Variants in ADGRA1 observed in about 807,000 individuals in gnomAD.
The protein encoded by ADGRA1 is adhesion G protein-coupled receptor A1.
In ADGRA1, 12 loss-of-function variants were observed where a neutral mutation model predicts 21.3. The ratio of observed to expected loss-of-function variants is 0.56; its 90% confidence interval spans 0.36 to 0.91. The LOEUF (loss-of-function observed/expected upper bound fraction) is 0.91, where lower values mean the gene tolerates loss of function less well. ADGRA1 is among the 40% of genes least tolerant of loss of function. The pLI, the probability that ADGRA1 is intolerant of heterozygous loss-of-function variation, is 0.01. For missense variants in ADGRA1, 790 were observed against 805.6 expected (o/e 0.98, Z 0.23); for synonymous variants, 385 against 368.8 (o/e 1.04, Z -0.50).
In ADGRA1 at chr10:133,128,532, C is replaced by T; in HGVS notation, c.704C>T (p.Pro235Leu). Residue 235 changes from proline (P) to leucine (L), a missense_variant, in exon 7 of 7, where the codon CCA becomes CTA. Pro to Leu is a moderately conservative substitution (Grantham distance 98). Transcript: ENST00000392607. ...EGGRGIRPGTPPAHDAPGASV... is the reference protein window; with the variant it reads ...EGGRGIRPGTLPAHDAPGASV... Reference sequence around the variant, plus strand: ...GGCCGTGGGATCCGGCCAGGCACCCCACCCGCACACGATGCCCCCGGCGCC... The same window carrying T: ...GGCCGTGGGATCCGGCCAGGCACCCTACCCGCACACGATGCCCCCGGCGCC... The T allele has an allele frequency of 6.5e-7, 1 of 1,548,718 alleles. No homozygotes were observed. Among genetic ancestry groups the T allele is most frequent in the Non-Finnish European group, 8.7e-7 (1 of 1,148,108 alleles).
intron 5 of ADGRA1, among the ~76,000 whole-genome samples, chr10:133,120,701 C>G (rs1852238126): frequency 6.6e-6 from 1 of 152,232 alleles, no homozygotes; most frequent in African/African-American, 2.4e-5. Context: ...ATCTTCCATC[C>G]AGACCATTAA....
At chr10:133,094,559 C>G (rs1362514954) in intron 2 of ADGRA1, among the ~76,000 whole-genome samples, 1 of 152,152 alleles carries the variant, frequency 6.6e-6, no homozygotes, top group African/African-American at 2.4e-5. Flanking sequence ...GGGCAGACCA[C>G]CCCAGGCTCT....
chr10:133,121,501 G>C (rs190522126), intron 5 of ADGRA1, among the ~76,000 whole-genome samples: 2 of 150,310 alleles, frequency 1.3e-5, no homozygotes, highest in East Asian at 2.0e-4. Flanking sequence ...GCCAGTGTGC[G>C]TGTGTGCAAG....
chr10:133,112,737 A>AGGTCTGTGGGCCGTGTCGGTTATTTGG (rs1852075298), intron 5 of ADGRA1, among the ~76,000 whole-genome samples: 1 of 81,204 alleles, frequency 1.2e-5, no homozygotes, highest in African/African-American at 4.8e-5. Context: ...CGGTTATTTG[A>AGGTCTGTGGGCCGTGTCGGTTATTTGG]GGTCTGCGGG....
chr10:133,110,630 G>A (rs1354295499), intron 5 of ADGRA1, among the ~76,000 whole-genome samples: 1 of 152,154 alleles, frequency 6.6e-6, no homozygotes, highest in African/African-American at 2.4e-5. Flanking sequence ...GAGAGAGTCG[G>A]TAAGAAATAT....
At chr10:133,101,919 A>C (rs1851802763) in intron 4 of ADGRA1, among the ~76,000 whole-genome samples, 2 of 152,224 alleles carry the variant, frequency 1.3e-5, no homozygotes, top group Non-Finnish European at 2.9e-5. Flanking sequence ...GAGCCTCCTC[A>C]TCAGTGAAAA....
intron 4 of ADGRA1, among the ~76,000 whole-genome samples, chr10:133,100,788 A>G (rs1013634962): frequency 2.5e-4 from 38 of 152,230 alleles, no homozygotes; most frequent in African/African-American, 5.8e-4. Context: ...ACAAACCCAC[A>G]TGGTCTCACT....
chr10:133,120,809 C>T (rs371497220), intron 5 of ADGRA1, among the ~76,000 whole-genome samples: 4 of 152,238 alleles, frequency 2.6e-5, no homozygotes, highest in East Asian at 3.8e-4. Flanking sequence ...TTATCCTTTG[C>T]ATTCACAACG....
chr10:133,096,855 C>A (rs1851697974), intron 2 of ADGRA1, 119 bp from the exon 3 acceptor site: 3 of 1,273,766 alleles, frequency 2.4e-6, no homozygotes, highest in East Asian at 4.8e-5. Flanking sequence ...TGAGACCCCA[C>A]ACGAAAATGC....
In ADGRA1 at chr10:133,088,623, G is replaced by A. The variant is rs1361512767; in HGVS notation, c.-202-85G>A. 9 of 888,332 alleles carry A rather than the reference G, an allele frequency of 1.0e-5. No homozygotes were observed. In the South Asian group the frequency reaches 2.3e-4, roughly 23 times the overall value. 55.0% of individuals were successfully genotyped at this position (888,332 alleles called of 1,614,324 possible). Reference sequence around the variant, plus strand: ...GAGGGGAGGGAGCGACAGGGGCCGCGGCTGCTCCCTGGCGGGGTCGGGGCT... The same window carrying A: ...GAGGGGAGGGAGCGACAGGGGCCGCAGCTGCTCCCTGGCGGGGTCGGGGCT... On this transcript the variant is annotated intron_variant, in intron 1 of 6. Coordinates refer to ENST00000392607, the MANE Select transcript of ADGRA1 (RefSeq NM_001083909.3).
At chr10:133,115,121 G>A (rs1398846119) in intron 5 of ADGRA1, among the ~76,000 whole-genome samples, 1 of 152,184 alleles carries the variant, frequency 6.6e-6, no homozygotes, top group African/African-American at 2.4e-5. Context: ...GAAGGGCCCA[G>A]TGGTCAGATT....
At chr10:133,088,244 C>T (rs1278474049) in intron 1 of ADGRA1, 106 bp downstream of exon 1, 4 of 419,022 alleles carry the variant, frequency 9.5e-6, no homozygotes, top group Non-Finnish European at 9.6e-6. Flanking sequence ...AAAGCAGCTC[C>T]GAGTAACTTT....
intron 5 of ADGRA1, among the ~76,000 whole-genome samples, chr10:133,104,610 C>A (rs1169128316): frequency 6.6e-6 from 1 of 152,174 alleles, no homozygotes; most frequent in Non-Finnish European, 1.5e-5. Context: ...TCCTCCACCC[C>A]CTGCCCTCTG....
intron 1 of ADGRA1, 170 bp from the exon 2 acceptor site, chr10:133,088,538 C>A: frequency 7.1e-6 from 2 of 280,156 alleles, no homozygotes; most frequent in Non-Finnish European, 1.3e-5. Flanking sequence ...CCGAGCCCCC[C>A]ACCGGTCCCC....
chr10:133,104,737 C>T (rs976301348), intron 5 of ADGRA1, among the ~76,000 whole-genome samples: 2 of 152,002 alleles, frequency 1.3e-5, no homozygotes, highest in Non-Finnish European at 2.9e-5. Context: ...CCTCCCCAGC[C>T]GCCCCCCCGG....
At position 133,129,620 on chromosome 10, in the gene ADGRA1, C is replaced by T. The variant is rs1238607108; in HGVS notation, c.*109C>T. 1 of 775,704 alleles carries T rather than the reference C, an allele frequency of 1.3e-6. No individual in the cohort carries two copies. Among genetic ancestry groups the T allele is most frequent in the Non-Finnish European group, 1.9e-6 (1 of 516,762 alleles). 48.1% of individuals were successfully genotyped at this position (775,704 alleles called of 1,614,324 possible). On this transcript the variant is annotated 3_prime_UTR_variant, in exon 7 of 7. Transcript: ENST00000392607. ...CCGAAGTGACCCCGCCTTTCAGAAG[C>T]CGTTCACACCCCTGCCCCTTCCTTG...
At chr10:133,100,704 T>A (rs1367446005) in intron 4 of ADGRA1, among the ~76,000 whole-genome samples, 1 of 152,214 alleles carries the variant, frequency 6.6e-6, no homozygotes, top group Non-Finnish European at 1.5e-5. Context: ...ATCCACTCAC[T>A]CGCTCACTCA....
chr10:133,091,727 C>T (rs1326437577), intron 2 of ADGRA1, among the ~76,000 whole-genome samples: 3 of 152,230 alleles, frequency 2.0e-5, no homozygotes, highest in Non-Finnish European at 2.9e-5. Flanking sequence ...GGCTGGGGGA[C>T]CCCAGAGACC....
At chr10:133,091,927 C>G (rs535885538) in intron 2 of ADGRA1, among the ~76,000 whole-genome samples, 2 of 152,160 alleles carry the variant, frequency 1.3e-5, no homozygotes, top group Non-Finnish European at 2.9e-5. Context: ...TCTCGGAGGC[C>G]GAGAGTGAGG....
Sources: gnomAD v4.1 joint callset for allele counts (sites outside exome capture counted in the v4.1 genomes callset) on GRCh38, gnomAD v4.1.1 for gene constraint, MANE v1.5 for transcripts, NCBI Gene and HGNC (gene_info 2026-07-23, HGNC 2026-07-21) for gene names.